The following CSMD1 variants were observed in gnomAD, a reference collection of about 807,000 sequenced individuals.
CSMD1 encodes the protein CUB and Sushi multiple domains 1, also known as CUB and sushi domain-containing protein 1.
In CSMD1, 213 loss-of-function variants were observed where a neutral mutation model predicts 417.5. The observed-to-expected ratio is 0.51, with a 90% CI of 0.46 to 0.57. The LOEUF is 0.57. CSMD1 is among the 20% of genes least tolerant of loss of function. The pLI is 0.00. For missense variants in CSMD1, 6,923 were observed against 4,529.7 expected, an observed-to-expected ratio of 1.53 and a Z score of -15.17; for synonymous variants, 2,862 against 1,736.8, an observed-to-expected ratio of 1.65 and a Z score of -16.11.
At chr8:4,231,935 C>CT (rs5889028) in intron 3 of CSMD1, among the ~76,000 whole-genome samples, 152,150 of 152,334 alleles carry the variant, frequency 1, 75,983 homozygotes, top group Middle Eastern at 1. Context: ...ATGTGTTTTC[C>CT]TTCTTCCTTT....
At chr8:3,721,852 G>T in intron 6 of CSMD1, among the ~76,000 whole-genome samples, 1 of 152,144 alleles carries the variant, frequency 6.6e-6, no homozygotes, top group East Asian at 1.9e-4. Context: ...GAGAGGCGCT[G>T]TATGAAGAAA....
chr8:4,740,447 T>A (rs2117001607), intron 1 of CSMD1, among the ~76,000 whole-genome samples: 1 of 152,254 alleles, frequency 6.6e-6, no homozygotes, highest in Non-Finnish European at 1.5e-5. Flanking sequence ...CTGAATGCAA[T>A]CCTAGGGTAG....
intron 23 of CSMD1, among the ~76,000 whole-genome samples, chr8:3,309,383 T>G (rs1453268193): frequency 6.9e-6 from 1 of 145,572 alleles, no homozygotes; most frequent in Non-Finnish European, 1.5e-5. Context: ...TGCATGGTTA[T>G]GAGGCTCTTG....
intron 3 of CSMD1, among the ~76,000 whole-genome samples, chr8:4,271,430 G>T (rs879837944): frequency 2.6e-5 from 4 of 152,052 alleles, no homozygotes; most frequent in East Asian, 1.9e-4. Context: ...AATGTTGTAG[G>T]AGACTCTCCT....
Position 4,768,701 on chromosome 8 carries a change from C to A in CSMD1, c.86-131143G>T, listed in dbSNP as rs114758184. On this transcript the variant is annotated intron_variant, in intron 1 of 69. Transcript: ENST00000635120. ...GTGTTGGCGTTCCCAAACACTTACC[C>A]GAGGCACTGGAGCACCAAACTCCCC... Among the ~76,000 whole-genome samples the A allele has an allele frequency of 3.2e-3, 486 of 152,224 alleles. 2 individuals carry two copies. The highest frequency in any genetic ancestry group is 0.01 in the Middle Eastern group (3 of 294).
chr8:4,745,623 T>TAG (rs1230454624), intron 1 of CSMD1, among the ~76,000 whole-genome samples: 1 of 151,968 alleles, frequency 6.6e-6, no homozygotes. Context: ...AAGTAGAATG[T>TAG]AGAGAGAGAG....
chr8:3,292,286 A>T (rs1016417307), intron 25 of CSMD1, among the ~76,000 whole-genome samples: 1 of 152,188 alleles, frequency 6.6e-6, no homozygotes, highest in East Asian at 1.9e-4. Flanking sequence ...TGTGGTGCTG[A>T]AAAGAATGTA....
chr8:4,035,706 T>C (rs1257517191), intron 3 of CSMD1, among the ~76,000 whole-genome samples: 1 of 152,226 alleles, frequency 6.6e-6, no homozygotes, highest in Non-Finnish European at 1.5e-5. Flanking sequence ...ATGTTTTCAG[T>C]TAAATATTAT....
At chr8:4,520,065 T>C (rs1480335927) in intron 2 of CSMD1, among the ~76,000 whole-genome samples, 2 of 152,116 alleles carry the variant, frequency 1.3e-5, no homozygotes, top group African/African-American at 4.8e-5. Context: ...CAACTTTCTC[T>C]TTAGATAATT....
chr8:3,681,722 C>G (rs1320245585), intron 7 of CSMD1, among the ~76,000 whole-genome samples: 1 of 152,066 alleles, frequency 6.6e-6, no homozygotes, highest in Non-Finnish European at 1.5e-5. Flanking sequence ...AAAAAGAGCC[C>G]GCATTGCCAA....
At position 4,796,394 on chromosome 8, in the gene CSMD1, A is replaced by G. The variant is rs79222576; in HGVS notation, c.86-158836T>C. ...AAGTTTATTCCTGATCTCCCTGTCT[A>G]AGGGCATTTACTTTAGGAAACTTGC... On this transcript the variant is annotated intron_variant, in intron 1 of 69. Coordinates refer to ENST00000635120, the MANE Select transcript of CSMD1 (RefSeq NM_033225.6). Among the ~76,000 whole-genome samples the G allele has an allele frequency of 3.5e-3, 525 of 152,144 alleles. 3 individuals are homozygous for G. Among genetic ancestry groups the G allele is most frequent in the African/African-American group, 0.012 (482 of 41,494 alleles).
intron 3 of CSMD1, among the ~76,000 whole-genome samples, chr8:4,253,497 C>A (rs981834157): frequency 1.3e-5 from 2 of 152,088 alleles, no homozygotes; most frequent in African/African-American, 4.8e-5. Flanking sequence ...GCACCAGACA[C>A]TAGGTTAAGC....
chr8:3,917,080 C>T (rs968544993), intron 5 of CSMD1, among the ~76,000 whole-genome samples: 1 of 151,956 alleles, frequency 6.6e-6, no homozygotes, highest in African/African-American at 2.4e-5. Flanking sequence ...TCTTAAGACA[C>T]CAGGCATTTA....
At chr8:4,451,585 T>A (rs1181631762) in intron 2 of CSMD1, among the ~76,000 whole-genome samples, 1 of 152,106 alleles carries the variant, frequency 6.6e-6, no homozygotes, top group Admixed American at 6.6e-5. Context: ...AAGAAAGCCT[T>A]AAAAAGAAGA....
Position 4,868,664 on chromosome 8 carries a change from A to G in CSMD1, c.85+125668T>C, listed in dbSNP as rs972135195. Among the ~76,000 whole-genome samples, 4 of 152,086 alleles carry G rather than the reference A, an allele frequency of 2.6e-5. No individual in the cohort carries two copies. In the East Asian group the frequency reaches 7.7e-4, roughly 29 times the overall value. On this transcript the variant is annotated intron_variant, in intron 1 of 69. Coordinates refer to ENST00000635120, the MANE Select transcript of CSMD1 (RefSeq NM_033225.6). Reference sequence around the variant, plus strand: ...GAAGGTAATTGAAAATTATTACCTAAGAATAAAAACACAACTAACAGTATG... The same window carrying G: ...GAAGGTAATTGAAAATTATTACCTAGGAATAAAAACACAACTAACAGTATG...
chr8:3,710,150 T>C (rs1178435266), intron 6 of CSMD1, among the ~76,000 whole-genome samples: 1 of 152,214 alleles, frequency 6.6e-6, no homozygotes. Context: ...ATTTTTAGGC[T>C]ATAAGAGTTG....
chr8:4,525,829 G>A (rs143281374), intron 2 of CSMD1, among the ~76,000 whole-genome samples: 1 of 152,088 alleles, frequency 6.6e-6, no homozygotes, highest in Non-Finnish European at 1.5e-5. Flanking sequence ...GGCTTCCCAG[G>A]AGGCCCTCTT....
intron 6 of CSMD1, among the ~76,000 whole-genome samples, chr8:3,730,372 T>TTTG (rs1802774163): frequency 9.4e-6 from 1 of 106,810 alleles, no homozygotes; most frequent in Non-Finnish European, 1.9e-5. Context: ...AAGGAGCGAT[T>TTTG]TTTTTTTTTT....
At chr8:4,497,211 C>G (rs1445778400) in intron 2 of CSMD1, among the ~76,000 whole-genome samples, 1 of 152,128 alleles carries the variant, frequency 6.6e-6, no homozygotes, top group Non-Finnish European at 1.5e-5. Flanking sequence ...GGCCTCCAGA[C>G]TGTGCTACTC....
Sources: allele counts gnomAD v4.1 joint callset (sites outside exome capture counted in the v4.1 genomes callset), GRCh38; gene constraint gnomAD v4.1.1; transcripts MANE v1.5; gene names NCBI Gene and HGNC (gene_info 2026-07-23, HGNC 2026-07-21).